CTNNA3: variants seen among roughly 807,000 people sequenced by gnomAD.
CTNNA3 encodes catenin alpha 3, also known as catenin alpha-3.
In CTNNA3, 76 loss-of-function variants were observed where a neutral mutation model predicts 95.7. The observed-to-expected ratio is 0.79, with a 90% CI of 0.66 to 0.96. CTNNA3 has a LOEUF of 0.96. CTNNA3 is among the 40% of genes least tolerant of loss of function. CTNNA3 has a pLI of 0.00. For synonymous variants in CTNNA3, 431 were observed against 374.4 expected, an observed-to-expected ratio of 1.15 and a Z score of -1.74; for missense variants, 1,191 against 1,089.8, an observed-to-expected ratio of 1.09 and a Z score of -1.31.
intron 3 of CTNNA3, among the ~76,000 whole-genome samples, chr10:67,593,696 T>C (rs1199452649): frequency 6.6e-6 from 1 of 152,212 alleles, no homozygotes; most frequent in Non-Finnish European, 1.5e-5. Context: ...GCTTAAATCG[T>C]CTGCAAAGAA....
intron 7 of CTNNA3, among the ~76,000 whole-genome samples, chr10:66,783,384 A>G (rs1466030328): frequency 6.6e-6 from 1 of 152,174 alleles, no homozygotes; most frequent in Admixed American, 6.6e-5. Context: ...TCAATTAATG[A>G]TTAAATTGCA....
At chr10:67,284,904 G>T (rs1589125747) in intron 5 of CTNNA3, among the ~76,000 whole-genome samples, 1 of 152,140 alleles carries the variant, frequency 6.6e-6, no homozygotes, top group East Asian at 1.9e-4. Context: ...AATTTATCAA[G>T]CCTGGAGAGA....
intron 10 of CTNNA3, among the ~76,000 whole-genome samples, chr10:66,529,556 C>T (rs990494027): frequency 1.3e-5 from 2 of 151,456 alleles, no homozygotes; most frequent in African/African-American, 4.9e-5. Context: ...TCTTTCCCTT[C>T]ACCTTCCTTT....
At chr10:67,099,708 C>A (rs1384612260) in intron 7 of CTNNA3, 1 of 152,168 alleles carries the variant, frequency 6.6e-6, no homozygotes, top group African/African-American at 2.4e-5. Context: ...ATGTCAAACA[C>A]AGTACTTGTG....
intron 6 of CTNNA3, among the ~76,000 whole-genome samples, chr10:67,209,903 C>A: frequency 6.6e-6 from 1 of 151,056 alleles, no homozygotes; most frequent in African/African-American, 2.4e-5. Context: ...AGAAAAAAAC[C>A]AAGTAAGAAA....
intron 5 of CTNNA3, among the ~76,000 whole-genome samples, chr10:67,439,086 T>G: frequency 6.6e-6 from 1 of 152,022 alleles, no homozygotes. Context: ...TTTTTTCTAC[T>G]CCTCCCACAA....
intron 7 of CTNNA3, among the ~76,000 whole-genome samples, chr10:67,140,113 A>G (rs1374711425): frequency 2.0e-5 from 3 of 152,222 alleles, no homozygotes; most frequent in African/African-American, 7.2e-5. Flanking sequence ...ACCTTTGAAA[A>G]CATCCCTTAT....
intron 7 of CTNNA3, among the ~76,000 whole-genome samples, chr10:66,924,756 T>TA (rs1301655516): frequency 6.6e-6 from 1 of 152,254 alleles, no homozygotes; most frequent in Non-Finnish European, 1.5e-5. Flanking sequence ...CACACTGTTC[T>TA]AAGTAACATA....
intron 1 of CTNNA3, among the ~76,000 whole-genome samples, chr10:67,678,433 C>T (rs1840571061): frequency 6.6e-6 from 1 of 152,146 alleles, no homozygotes; most frequent in South Asian, 2.1e-4. Context: ...TCTCCTGCCT[C>T]TCTACCAGCA....
intron 7 of CTNNA3, among the ~76,000 whole-genome samples, chr10:67,050,514 T>C (rs1855020088): frequency 6.6e-6 from 1 of 152,196 alleles, no homozygotes; most frequent in Non-Finnish European, 1.5e-5. Flanking sequence ...AGGCTCTGAC[T>C]GAAAATTAAA....
rs1002866554 is a variant in CTNNA3, at chr10:67,743,196, C to G, written c.-2+20238G>C. ...ATACCAAAGCCTGGCAGAGACACAA[C>G]CAAAAAGAGAATTTTAGACCAATAT... On this transcript the variant is annotated intron_variant, in intron 1 of 17. Transcript: ENST00000684154. Among the ~76,000 whole-genome samples, 2 of 150,990 alleles carry G rather than the reference C, an allele frequency of 1.3e-5. 1 individual carries two copies. The highest frequency in any genetic ancestry group is 3.0e-5 in the Non-Finnish European group (2 of 67,622).
chr10:67,740,378 AAAATG>A (rs939356522), intron 1 of CTNNA3, among the ~76,000 whole-genome samples: 2 of 151,670 alleles, frequency 1.3e-5, no homozygotes, highest in African/African-American at 4.8e-5. Flanking sequence ...GGCAACCCAC[AAAATG>A]GGAGAAAATT....
At chr10:67,545,791 G>A (rs1346175095) in intron 3 of CTNNA3, among the ~76,000 whole-genome samples, 1 of 152,092 alleles carries the variant, frequency 6.6e-6, no homozygotes, top group Non-Finnish European at 1.5e-5. Context: ...TACAACTAAT[G>A]AACTAATGAA....
intron 11 of CTNNA3, among the ~76,000 whole-genome samples, 160 bp from the exon 12 acceptor site, chr10:66,379,512 T>TTATTCTTTAATAGCA: frequency 6.6e-6 from 1 of 152,212 alleles, no homozygotes; most frequent in East Asian, 1.9e-4. Flanking sequence ...ATATTTTGCT[T>TTATTCTTTAATAGCA]ACATCCCTTT....
At chr10:67,574,389 AT>A (rs912847906) in intron 3 of CTNNA3, among the ~76,000 whole-genome samples, 1 of 151,694 alleles carries the variant, frequency 6.6e-6, no homozygotes, top group African/African-American at 2.4e-5. Flanking sequence ...AATTTGAATT[AT>A]TTTTTGTTTT....
At position 67,208,155 on chromosome 10, in the gene CTNNA3, G is replaced by C. The variant is rs143658033; in HGVS notation, c.843+11452C>G. On this transcript the variant is annotated intron_variant, in intron 6 of 17. Coordinates refer to ENST00000433211, the MANE Select transcript of CTNNA3 (RefSeq NM_013266.4). ...TTGGAGGCTGAGGTGGGTGGATCACGAGGTCAGGAGTCCAAGACCAGCCTG... is the reference window on the plus strand; with the variant it reads ...TTGGAGGCTGAGGTGGGTGGATCACCAGGTCAGGAGTCCAAGACCAGCCTG... Among the ~76,000 whole-genome samples the C allele has an allele frequency of 6.0e-3, 911 of 152,124 alleles. 10 individuals carry two copies. Among genetic ancestry groups the C allele is most frequent in the African/African-American group, 0.021 (866 of 41,502 alleles).
intron 2 of CTNNA3, among the ~76,000 whole-genome samples, chr10:67,620,901 A>ATG (rs1444211728): frequency 2.0e-5 from 2 of 102,178 alleles, no homozygotes; most frequent in African/African-American, 1.1e-4. Context: ...ATATATATGT[A>ATG]TATGTGTGTG....
At chr10:66,536,633 A>G (rs1841669861) in intron 10 of CTNNA3, among the ~76,000 whole-genome samples, 1 of 152,160 alleles carries the variant, frequency 6.6e-6, no homozygotes, top group South Asian at 2.1e-4. Flanking sequence ...TAAGACAAAG[A>G]AATAGGGGTT....
intron 10 of CTNNA3, among the ~76,000 whole-genome samples, chr10:66,552,473 T>C (rs1284919236): frequency 6.6e-6 from 1 of 152,130 alleles, no homozygotes; most frequent in East Asian, 1.9e-4. Context: ...TGTACTCTCC[T>C]CCAAAGTTGA....
Sources: allele counts gnomAD v4.1 joint callset (sites outside exome capture counted in the v4.1 genomes callset), GRCh38; gene constraint gnomAD v4.1.1; transcripts MANE v1.5; gene names NCBI Gene and HGNC (gene_info 2026-07-23, HGNC 2026-07-21).